WNK3: variants seen among roughly 807,000 people sequenced by gnomAD.
WNK3 encodes serine/threonine-protein kinase WNK3.
A neutral mutation model predicts 116.7 loss-of-function variants in WNK3; 18 were observed. The observed-to-expected ratio is 0.15, with a 90% confidence interval of 0.11 to 0.23. The LOEUF is 0.23. Ranked by LOEUF, WNK3 falls within the 10% of genes least tolerant of loss-of-function variation. The pLI is 1.00. For missense variants in WNK3, 993 were observed against 1,323.8 expected (o/e 0.75, Z 3.88); for synonymous variants, 404 against 469.4 (o/e 0.86, Z 1.80).
At chrX:54,243,420 CA>C (rs782696727) in intron 17 of WNK3, among the ~76,000 whole-genome samples, 869 of 16,785 alleles carry the variant, frequency 0.052, 2 homozygotes, top group African/African-American at 0.14. Context: ...GACTCCGTCT[CA>C]AAAAAAAAAA....
exon 12 of WNK3, chrX:54,255,811 G>A (rs2068185490): frequency 8.3e-7 from 1 of 1,209,175 alleles, no homozygotes. Context: ...TGTTTGATCC[G>A]ATCCTGTTTG....
chrX:54,317,186 G>T (rs1466560786), intron 2 of WNK3, among the ~76,000 whole-genome samples: 1 of 104,613 alleles, frequency 9.6e-6, no homozygotes, highest in Admixed American at 1.0e-4. Flanking sequence ...CTGAGATGGA[G>T]TCTTGCTCTA....
At chrX:54,247,688 A>C (rs1184996196) in intron 17 of WNK3, among the ~76,000 whole-genome samples, 1 of 110,653 alleles carries the variant, frequency 9.0e-6, no homozygotes, top group Non-Finnish European at 1.9e-5. Context: ...ATTATTACTT[A>C]TATAATAACA....
chrX:54,350,948 AAAGT>A (rs1254029088), intron 1 of WNK3, among the ~76,000 whole-genome samples: 4 of 111,362 alleles, frequency 3.6e-5, no homozygotes, highest in African/African-American at 1.3e-4. Flanking sequence ...TAAGGTGAGA[AAAGT>A]AAGTTGTAGT....
exon 9 of WNK3, chrX:54,293,303 G>A (rs782098232): frequency 2.5e-6 from 3 of 1,192,336 alleles, no homozygotes; most frequent in East Asian, 3.0e-5. Context: ...AACTGATGCA[G>A]CTCCTGCCTC....
intron 7 of WNK3, among the ~76,000 whole-genome samples, chrX:54,296,715 C>A (rs2068702068): frequency 9.0e-6 from 1 of 111,233 alleles, no homozygotes; most frequent in Non-Finnish European, 1.9e-5. Flanking sequence ...TAACCTGAGG[C>A]CAGAATGCCC....
chrX:54,339,977 C>A (rs1289464411), intron 1 of WNK3, among the ~76,000 whole-genome samples: 1 of 110,566 alleles, frequency 9.0e-6, no homozygotes, highest in African/African-American at 3.3e-5. Flanking sequence ...TGGTGAAAAC[C>A]CATCTCTACT....
At chrX:54,308,382 G>C (rs1557169073) in intron 4 of WNK3, among the ~76,000 whole-genome samples, 2 of 109,137 alleles carry the variant, frequency 1.8e-5, no homozygotes, top group African/African-American at 6.7e-5. Flanking sequence ...AGTAGAGACG[G>C]GGTTTCACCA....
intron 2 of WNK3, among the ~76,000 whole-genome samples, chrX:54,315,480 C>T (rs986048941): frequency 9.0e-6 from 1 of 111,045 alleles, no homozygotes; most frequent in Non-Finnish European, 1.9e-5. Flanking sequence ...TTCATCTTTT[C>T]AACTATTACA....
chrX:54,224,988 C>T (rs1338988243), intron 22 of WNK3, among the ~76,000 whole-genome samples: 1 of 110,359 alleles, frequency 9.1e-6, no homozygotes, highest in Non-Finnish European at 1.9e-5. Flanking sequence ...ATATATGGAA[C>T]GCTCCACCCA....
exon 2 of WNK3, chrX:54,333,242 G>A: frequency 1.7e-6 from 2 of 1,208,917 alleles, no homozygotes; most frequent in Non-Finnish European, 2.2e-6. Context: ...TCAGGAATCT[G>A]CCACTAGGAG....
chrX:54,324,946 C>T (rs1436676580), intron 2 of WNK3, among the ~76,000 whole-genome samples: 4 of 111,977 alleles, frequency 3.6e-5, no homozygotes, highest in Non-Finnish European at 7.5e-5. Flanking sequence ...GCTAATGTCT[C>T]AAAATATAGT....
chrX:54,288,340 G>C (rs1410207647), intron 10 of WNK3, among the ~76,000 whole-genome samples: 3 of 111,534 alleles, frequency 2.7e-5, no homozygotes, highest in African/African-American at 9.8e-5. Flanking sequence ...ACTTGCTTAG[G>C]TGCCTGTCAA....
chrX:54,228,482 G>A (rs1557148295), intron 22 of WNK3, among the ~76,000 whole-genome samples: 3 of 111,189 alleles, frequency 2.7e-5, no homozygotes, highest in Admixed American at 9.7e-5. Context: ...GGTTGCCTAG[G>A]GCCTGTGGTT....
At chrX:54,292,706 CAAAAAAAAAAA>C (rs1180750751) in intron 10 of WNK3, among the ~76,000 whole-genome samples, 171 bp downstream of exon 10, 1 of 22,473 alleles carries the variant, frequency 4.4e-5, no homozygotes, top group South Asian at 2.0e-3. Flanking sequence ...CACTCCACCT[CAAAAAAAAAAA>C]AAAAAAAAAA....
intron 1 of WNK3, among the ~76,000 whole-genome samples, chrX:54,355,534 T>C (rs932830530): frequency 2.7e-5 from 3 of 110,085 alleles, no homozygotes; most frequent in African/African-American, 9.9e-5. Flanking sequence ...CTTTCAGGAA[T>C]AGCTGGTGAC....
intron 1 of WNK3, among the ~76,000 whole-genome samples, chrX:54,350,998 TA>T (rs200732453): frequency 1.1e-3 from 118 of 109,241 alleles, no homozygotes; most frequent in African/African-American, 1.8e-3. Context: ...CTATTTGTGT[TA>T]AAAAAAAACC....
chrX:54,344,315 C>T (rs1264618215), intron 1 of WNK3, among the ~76,000 whole-genome samples: 2 of 110,146 alleles, frequency 1.8e-5, no homozygotes, highest in East Asian at 2.9e-4. Flanking sequence ...TCGTGGCGGG[C>T]GCCTGTAGTC....
intron 4 of WNK3, among the ~76,000 whole-genome samples, chrX:54,308,489 C>T (rs891002139): frequency 9.0e-6 from 1 of 111,729 alleles, no homozygotes; most frequent in Non-Finnish European, 1.9e-5. Context: ...CATGCCTGGC[C>T]GCAAATTTTT....
Sources: gnomAD v4.1 joint callset for allele counts (sites outside exome capture counted in the v4.1 genomes callset) on GRCh38, gnomAD v4.1.1 for gene constraint, MANE v1.5 for transcripts, NCBI Gene and HGNC (gene_info 2026-07-23, HGNC 2026-07-21) for gene names.